The following DLG2 variants were observed in gnomAD, a reference collection of about 807,000 sequenced individuals.
DLG2 encodes the protein disks large homolog 2.
A neutral mutation model predicts 132.5 loss-of-function variants in DLG2; 45 were observed. The observed-to-expected ratio is 0.34, with a 90% confidence interval of 0.27 to 0.44. The LOEUF (loss-of-function observed/expected upper bound fraction) is 0.44, where lower values mean the gene tolerates loss of function less well. Among genes scored for constraint, DLG2 ranks in the 20% least tolerant of loss-of-function variants. The probability of loss-of-function intolerance (pLI) is 1.00; values close to 1 mark genes in which losing one functional copy is unlikely to be tolerated. For synonymous variants in DLG2, 424 were observed against 419.6 expected (o/e 1.01, Z -0.13); for missense variants, 1,045 against 1,196.9 (o/e 0.87, Z 1.87).
chr11:85,287,165 A>T (rs117522986), intron 3 of DLG2, among the ~76,000 whole-genome samples: 3 of 152,258 alleles, frequency 2.0e-5, no homozygotes, highest in Non-Finnish European at 2.9e-5. Flanking sequence ...ATTATGCATT[A>T]TATATGTAGT....
intron 19 of DLG2, 65 bp from the exon 20 acceptor site, chr11:83,541,923 G>T (rs929952907): frequency 1.1e-5 from 16 of 1,458,532 alleles, no homozygotes; most frequent in Non-Finnish European, 1.4e-5. Flanking sequence ...AGGATTTATG[G>T]TTTCAAATGT....
intron 6 of DLG2, among the ~76,000 whole-genome samples, chr11:84,661,924 G>A (rs371272493): frequency 3.9e-5 from 6 of 152,176 alleles, no homozygotes; most frequent in East Asian, 1.9e-4. Flanking sequence ...CTGAATTAAC[G>A]GTAACAAGAC....
intron 4 of DLG2, among the ~76,000 whole-genome samples, chr11:85,268,848 T>C (rs1047091923): frequency 4.6e-5 from 7 of 152,208 alleles, no homozygotes; most frequent in African/African-American, 1.7e-4. Context: ...AATTAGGGAA[T>C]GATTGGTGGT....
chr11:84,306,396 A>ACACACCTCTCC (rs2098218905), intron 7 of DLG2, among the ~76,000 whole-genome samples: 2 of 152,206 alleles, frequency 1.3e-5, no homozygotes, highest in Non-Finnish European at 2.9e-5. Flanking sequence ...ACATAGATTG[A>ACACACCTCTCC]TGCAGGAGAG....
intron 7 of DLG2, among the ~76,000 whole-genome samples, chr11:84,502,280 T>C (rs866041726): frequency 1.6e-3 from 5 of 3,124 alleles, no homozygotes; most frequent in East Asian, 0.01. Flanking sequence ...CCTTCCTTCC[T>C]TCTTTCTTTC....
At chr11:84,023,865 T>A (rs1002402151) in intron 11 of DLG2, among the ~76,000 whole-genome samples, 3 of 152,124 alleles carry the variant, frequency 2.0e-5, no homozygotes, top group Admixed American at 6.5e-5. Context: ...ATGAAGACCT[T>A]TACAATAATC....
chr11:83,940,642 C>G (rs1478495023), intron 14 of DLG2, among the ~76,000 whole-genome samples: 1 of 152,102 alleles, frequency 6.6e-6, no homozygotes, highest in African/African-American at 2.4e-5. Flanking sequence ...CCTCAGTGAT[C>G]TGATTATATT....
intron 3 of DLG2, among the ~76,000 whole-genome samples, chr11:85,541,509 A>T (rs2075971586): frequency 6.6e-6 from 1 of 150,826 alleles, no homozygotes; most frequent in Non-Finnish European, 1.5e-5. Context: ...ATATATTATT[A>T]TAATATATAC....
At chr11:85,455,816 G>C (rs1035871125) in intron 3 of DLG2, among the ~76,000 whole-genome samples, 1 of 152,010 alleles carries the variant, frequency 6.6e-6, no homozygotes, top group African/African-American at 2.4e-5. Flanking sequence ...TTTATGTGTT[G>C]AGTCTTATTG....
intron 16 of DLG2, among the ~76,000 whole-genome samples, chr11:83,834,999 C>T (rs2055721263): frequency 6.6e-6 from 1 of 152,130 alleles, no homozygotes; most frequent in Admixed American, 6.5e-5. Context: ...GAATTTGTTA[C>T]TTGCTATCAC....
chr11:83,677,668 CTTTCA>C (rs2077989565), intron 18 of DLG2, among the ~76,000 whole-genome samples: 1 of 151,966 alleles, frequency 6.6e-6, no homozygotes, highest in Non-Finnish European at 1.5e-5. Flanking sequence ...TGCATAATAG[CTTTCA>C]TTTCATTAAA....
intron 7 of DLG2, among the ~76,000 whole-genome samples, chr11:84,510,083 G>C (rs2099252884): frequency 7.0e-6 from 1 of 143,766 alleles, no homozygotes; most frequent in African/African-American, 2.6e-5. Flanking sequence ...TCAGAAAGTA[G>C]TAAGAGTTCA....
intron 8 of DLG2, among the ~76,000 whole-genome samples, chr11:84,218,313 GAGAGAA>G (rs1180612890): frequency 1.4e-5 from 2 of 138,500 alleles, no homozygotes; most frequent in South Asian, 2.5e-4. Flanking sequence ...GAAAGAGAGA[GAGAGAA>G]AGAAAGAGAA....
intron 16 of DLG2, among the ~76,000 whole-genome samples, chr11:83,865,641 G>T (rs138483664): frequency 6.6e-6 from 1 of 151,896 alleles, no homozygotes; most frequent in Non-Finnish European, 1.5e-5. Flanking sequence ...GGCAATGAAC[G>T]ATCTCATAAT....
intron 16 of DLG2, among the ~76,000 whole-genome samples, chr11:83,841,232 T>C (rs970594946): frequency 5.9e-5 from 9 of 152,250 alleles, no homozygotes; most frequent in African/African-American, 2.2e-4. Flanking sequence ...GATGATTGAA[T>C]AAATAAACAC....
chr11:85,602,336 A>G (rs1020524211), intron 2 of DLG2, among the ~76,000 whole-genome samples: 1 of 152,122 alleles, frequency 6.6e-6, no homozygotes, highest in Admixed American at 6.5e-5. Flanking sequence ...CATTACTGCA[A>G]TGTTCTACTA....
chr11:85,233,145 C>G (rs1170988724), intron 4 of DLG2, among the ~76,000 whole-genome samples: 1 of 151,634 alleles, frequency 6.6e-6, no homozygotes, highest in Non-Finnish European at 1.5e-5. Flanking sequence ...CATGGGAATT[C>G]CTTTTGTTCT....
intron 21 of DLG2, among the ~76,000 whole-genome samples, chr11:83,524,848 T>C (rs1054217396): frequency 1.3e-5 from 2 of 152,210 alleles, no homozygotes; most frequent in African/African-American, 4.8e-5. Context: ...TCTTCAAGGC[T>C]CATTTTGAAC....
chr11:83,583,433 C>T lies in DLG2; in HGVS notation c.1941-41575G>A, dbSNP rs536498376. On this transcript the variant is annotated intron_variant, in intron 19 of 27. Transcript: ENST00000376104. ...GGCAGTGTGGCATGGTGGCTAAGAA[C>T]ACCAACTATGAATCTGAGAAATGGA... Among the ~76,000 whole-genome samples the T allele has an allele frequency of 2.0e-5, 3 of 152,308 alleles. No homozygotes were observed. The East Asian group carries it at 5.8e-4, about 29-fold the overall frequency.
Sources: gnomAD v4.1 joint callset for allele counts (sites outside exome capture counted in the v4.1 genomes callset) on GRCh38, gnomAD v4.1.1 for gene constraint, MANE v1.5 for transcripts, NCBI Gene and HGNC (gene_info 2026-07-23, HGNC 2026-07-21) for gene names.